The following OR5B17 variants were observed in gnomAD, a reference collection of about 807,000 sequenced individuals.
OR5B17 encodes the protein olfactory receptor 5B17.
For synonymous variants in OR5B17, 150 were observed against 135.8 expected (o/e 1.10, Z -0.73); for missense variants, 444 against 378.7 (o/e 1.17, Z -1.43).
Position 58,358,592 on chromosome 11 carries a change from C to G in OR5B17, c.478G>C (p.Asp160His). The G allele has an allele frequency of 6.2e-7, 1 of 1,614,058 alleles. No homozygotes were observed. Among genetic ancestry groups the G allele is most frequent in the Non-Finnish European group, 8.5e-7 (1 of 1,180,006 alleles). Residue 160 changes from aspartate to histidine, a missense_variant, in exon 1 of 1, where the codon GAT (aspartate) becomes CAT (histidine). By Grantham distance (81) the Asp-to-His change is moderately conservative. Coordinates refer to ENST00000357377, the MANE Select transcript of OR5B17 (RefSeq NM_001005489.2). ...ATGCAGAAAGAGAGGCGAAATGTATCTCCAATTTGGATAGAAGCATTCAGA... is the reference window on the plus strand; with the variant it reads ...ATGCAGAAAGAGAGGCGAAATGTATGTCCAATTTGGATAGAAGCATTCAGA... Reference protein sequence around the residue: ...GFLNASIQIGDTFRLSFCMSN... With the variant: ...GFLNASIQIGHTFRLSFCMSN...
At position 58,358,737 on chromosome 11, in the gene OR5B17, G is replaced by A. The variant is rs1157057439; in HGVS notation, c.333C>T (p.Tyr111=). The A allele has an allele frequency of 2.5e-6, 4 of 1,614,008 alleles. No homozygotes were observed. The highest frequency in any genetic ancestry group is 2.7e-5 in the African/African-American group (2 of 74,902). Residue 111 remains tyrosine, a synonymous_variant, in exon 1 of 1, where the codon TAC becomes TAT. Transcript: ENST00000357377. The stretch of plus-strand genomic sequence containing the variant: ...GGTCATAGGCCATTGAGGACAAGAG[G>A]TAATTTTCCACAGTGGCAAAGACTG... ...FCAVFATVEN[Y]LLSSMAYDRY...
In OR5B17 at chr11:58,358,835, C is replaced by G. The variant is rs369477615; in HGVS notation, c.235G>C (p.Val79Leu). The G allele has an allele frequency of 6.2e-7, 1 of 1,613,906 alleles. No homozygotes were observed. Among genetic ancestry groups the G allele is most frequent in the Non-Finnish European group, 8.5e-7 (1 of 1,180,020 alleles). ...TCTTCTATAAGCAACCCAGTTAAAA[C>G]CTTTGGAGTGACAGCTGAGGAGTAA... Reference protein sequence around the residue: ...IGYSSAVTPKVLTGLLIEDKA... With the variant: ...IGYSSAVTPKLLTGLLIEDKA... Residue 79 changes from valine to leucine, a missense_variant, in exon 1 of 1, where the codon GTT becomes CTT. Coordinates refer to ENST00000357377, the MANE Select transcript of OR5B17 (RefSeq NM_001005489.2).
At position 58,358,886 on chromosome 11, in the gene OR5B17, T is replaced by TTTTTTCTCAGTA. The variant is rs1056307595; in HGVS notation, c.183_184insTACTGAGAAAAA (p.Leu61_Ser62insTyrTer). 2.5e-6 allele frequency: 4 copies of TTTTTTCTCAGTA among 1,613,966 alleles called. No individual in the cohort carries two copies. In the African/African-American group the frequency reaches 5.3e-5, roughly 22 times the overall value. On this transcript the variant is annotated stop_gained and inframe_insertion, in exon 1 of 1. Coordinates refer to ENST00000357377, the MANE Select transcript of OR5B17 (RefSeq NM_001005489.2). LOFTEE classifies it low-confidence loss of function (END_TRUNC). ...CCAATGCCTGCAAGAGACAGGTTAC[T>TTTTTTCTCAGTA]GAGAAAAAAGTACATGGGAGTGTGG...
At position 58,358,691 on chromosome 11, in the gene OR5B17, G is replaced by T. The variant is rs775146435; in HGVS notation, c.379C>A (p.Pro127Thr). ...AYDRYAAVCN[P>T]LHYTTTMTTR... ...GTCATGGTGGTGGTATAATGTAGGG[G>T]GTTACACACTGCTGCGTAGCGGTCA... The change falls in exon 1 of 1, where the codon CCC (proline) becomes ACC (threonine). Residue 127 changes from proline (P) to threonine (T), a missense_variant. By Grantham distance (38) the Pro-to-Thr change is conservative. Coordinates refer to ENST00000357377, the MANE Select transcript of OR5B17 (RefSeq NM_001005489.2). The T allele has an allele frequency of 6.2e-7, 1 of 1,614,062 alleles. No homozygotes were observed. Among genetic ancestry groups the T allele is most frequent in the South Asian group, 1.1e-5 (1 of 91,072 alleles).
In OR5B17 at chr11:58,359,025, T is replaced by G. The variant is rs1854540556; in HGVS notation, c.45A>C (p.Leu15=). The G allele has an allele frequency of 6.2e-7, 1 of 1,607,984 alleles. No individual in the cohort carries two copies. The highest frequency in any genetic ancestry group is 1.1e-5 in the South Asian group (1 of 90,810). The part of the protein sequence containing the change: ...TEVSEFILLG[L]TNAPELQVPL... ...GAACCTGTAGTTCTGGGGCATTGGT[T>G]AGACCAAGCAGGATGAATTCACTCA... The change falls in exon 1 of 1, where the codon CTA becomes CTC. Residue 15 remains leucine, a synonymous_variant. Transcript: ENST00000357377.
Position 58,358,385 on chromosome 11 carries a change from C to G in OR5B17, c.685G>C (p.Gly229Arg). 6.2e-7 allele frequency: 1 copy of G among 1,613,936 alleles called. No individual in the cohort carries two copies. The highest frequency in any genetic ancestry group is 8.5e-7 in the Non-Finnish European group (1 of 1,179,908). ...GATAAAGGCTTCTGGTATCCCTTAC[C>G]TGTGTGCCTCTTAAGAATGGTGATC... ...ILITILKRHT[G>R]KGYQKPLSTC... The change falls in exon 1 of 1, where the codon GGT becomes CGT. Residue 229 changes from glycine (G) to arginine (R), a missense_variant. Coordinates refer to ENST00000357377, the MANE Select transcript of OR5B17 (RefSeq NM_001005489.2).
Position 58,358,253 on chromosome 11 carries a change from A to G in OR5B17, c.817T>C (p.Ser273Pro), listed in dbSNP as rs200495594. Residue 273 changes from serine to proline, a missense_variant, in exon 1 of 1, where the codon TCT becomes CCT. Ser to Pro is a moderately conservative substitution (Grantham distance 74). Transcript: ENST00000357377. ...SHSMDTDKIA[S>P]VFYTMIIPML... ...GGGATGATCATAGTGTAGAACACAG[A>G]TGCAATTTTGTCTGTGTCCATGGAA... 7 of 1,613,626 alleles carry G rather than the reference A, an allele frequency of 4.3e-6. No homozygotes were observed. In the African/African-American group the frequency reaches 5.3e-5, roughly 12 times the overall value.
rs1365840100 is a variant in OR5B17 at position 58,358,199 on chromosome 11, T to A, written c.871A>T (p.Arg291Trp). The A allele has an allele frequency of 1.2e-5, 20 of 1,611,716 alleles. 1 individual carries two copies. The highest frequency in any genetic ancestry group is 1.7e-5 in the Non-Finnish European group (20 of 1,178,862). The change falls in exon 1 of 1, where the codon AGG (arginine) becomes TGG (tryptophan). Residue 291 changes from arginine (R) to tryptophan (W), a missense_variant. By Grantham distance (101) the Arg-to-Trp change is moderately radical. Coordinates refer to ENST00000357377, the MANE Select transcript of OR5B17 (RefSeq NM_001005489.2). ...AATGCATTCTTCACGTCTTTGTTCCTCAGGGTATAGACTATAGGACTGAGC... is the reference window on the plus strand; with the variant it reads ...AATGCATTCTTCACGTCTTTGTTCCACAGGGTATAGACTATAGGACTGAGC... ...PMLSPIVYTL[R>W]NKDVKNAFMK...
rs754531873 is a variant in OR5B17, at chr11:58,358,376, A to G, written c.694T>C (p.Tyr232His). The stretch of plus-strand genomic sequence containing the variant: ...CCACAGGTAGATAAAGGCTTCTGGT[A>G]TCCCTTACCTGTGTGCCTCTTAAGA... The part of the protein sequence containing the change: ...TILKRHTGKG[Y>H]QKPLSTCGSH... The change falls in exon 1 of 1, where the codon TAC becomes CAC. Residue 232 changes from tyrosine (Y) to histidine (H), a missense_variant. Transcript: ENST00000357377. 33 of 1,613,582 alleles carry G rather than the reference A, an allele frequency of 2.0e-5. No homozygotes were observed. Among genetic ancestry groups the G allele is most frequent in the Non-Finnish European group, 2.6e-5 (31 of 1,179,656 alleles).
At position 58,358,204 on chromosome 11, in the gene OR5B17, G is replaced by A. The variant is rs748665180; in HGVS notation, c.866C>T (p.Thr289Ile). Residue 289 changes from threonine to isoleucine, a missense_variant, in exon 1 of 1, where the codon ACC (threonine) becomes ATC (isoleucine). Physicochemically the swap from Thr to Ile is moderately conservative, Grantham distance 89. Coordinates refer to ENST00000357377, the MANE Select transcript of OR5B17 (RefSeq NM_001005489.2). ...IIPMLSPIVYTLRNKDVKNAF... is the reference protein window; with the variant it reads ...IIPMLSPIVYILRNKDVKNAF... Reference sequence around the variant, plus strand: ...ATTCTTCACGTCTTTGTTCCTCAGGGTATAGACTATAGGACTGAGCATGGG... The same window carrying A: ...ATTCTTCACGTCTTTGTTCCTCAGGATATAGACTATAGGACTGAGCATGGG... 6.2e-7 allele frequency: 1 copy of A among 1,613,346 alleles called. No homozygotes were observed. The highest frequency in any genetic ancestry group is 8.5e-7 in the Non-Finnish European group (1 of 1,179,542).
At position 58,358,886 on chromosome 11, in the gene OR5B17, T is replaced by A. The variant is rs147025063; in HGVS notation, c.184A>T (p.Ser62Cys). ...HLHTPMYFFL[S>C]NLSLAGIGYS... ...CCAATGCCTGCAAGAGACAGGTTAC[T>A]GAGAAAAAAGTACATGGGAGTGTGG... Residue 62 changes from serine to cysteine, a missense_variant, in exon 1 of 1, where the codon AGT becomes TGT. Coordinates refer to ENST00000357377, the MANE Select transcript of OR5B17 (RefSeq NM_001005489.2). 7.8e-5 allele frequency: 126 copies of A among 1,614,084 alleles called. No individual in the cohort carries two copies. In the African/African-American group the frequency reaches 1.6e-3, roughly 21 times the overall value.
At position 58,358,809 on chromosome 11, in the gene OR5B17, G is replaced by T. The variant is rs1379887979; in HGVS notation, c.261C>A (p.Asp87Glu). 1 of 1,613,998 alleles carries T rather than the reference G, an allele frequency of 6.2e-7. No homozygotes were observed. The highest frequency in any genetic ancestry group is 8.5e-7 in the Non-Finnish European group (1 of 1,180,030). Residue 87 changes from aspartate (D) to glutamate (E), a missense_variant, in exon 1 of 1, where the codon GAC becomes GAA. Transcript: ENST00000357377. ...CACAGGCACTGTAGGAGATGGCTTT[G>T]TCTTCTATAAGCAACCCAGTTAAAA... is the stretch of plus-strand genomic sequence containing the variant. Reference protein sequence around the residue: ...PKVLTGLLIEDKAISYSACAA... With the variant: ...PKVLTGLLIEEKAISYSACAA...
Position 58,358,200 on chromosome 11 carries a change from C to T in OR5B17, c.870G>A (p.Leu290=). The T allele has an allele frequency of 1.2e-6, 2 of 1,611,634 alleles. No homozygotes were observed. Among genetic ancestry groups the T allele is most frequent in the Non-Finnish European group, 1.7e-6 (2 of 1,178,876 alleles). ...ATGCATTCTTCACGTCTTTGTTCCTCAGGGTATAGACTATAGGACTGAGCA... is the reference window on the plus strand; with the variant it reads ...ATGCATTCTTCACGTCTTTGTTCCTTAGGGTATAGACTATAGGACTGAGCA... ...IPMLSPIVYT[L]RNKDVKNAFM... Residue 290 remains leucine, a synonymous_variant, in exon 1 of 1, where the codon CTG becomes CTA. Transcript: ENST00000357377.
In OR5B17 at chr11:58,358,410, C is replaced by A; in HGVS notation, c.660G>T (p.Leu220Phe). The A allele has an allele frequency of 1.2e-6, 2 of 1,613,816 alleles. No individual in the cohort carries two copies. The highest frequency in any genetic ancestry group is 2.2e-5 in the South Asian group (2 of 91,046). ...LVTLISYLFILITILKRHTGK... is the reference protein window; with the variant it reads ...LVTLISYLFIFITILKRHTGK... ...CTGTGTGCCTCTTAAGAATGGTGAT[C>A]AATATGAACAGATAGGAAATCAAGG... The change falls in exon 1 of 1, where the codon TTG becomes TTT. Residue 220 changes from leucine to phenylalanine, a missense_variant. Leu to Phe is a conservative substitution (Grantham distance 22). Coordinates refer to ENST00000357377, the MANE Select transcript of OR5B17 (RefSeq NM_001005489.2).
rs1364670192 is a variant in OR5B17 at position 58,358,694 on chromosome 11, T to G, written c.376A>C (p.Asn126His). The G allele has an allele frequency of 6.2e-7, 1 of 1,614,114 alleles. No individual in the cohort carries two copies. The change falls in exon 1 of 1, where the codon AAC (asparagine) becomes CAC (histidine). Residue 126 changes from asparagine (N) to histidine (H), a missense_variant. Coordinates refer to ENST00000357377, the MANE Select transcript of OR5B17 (RefSeq NM_001005489.2). The part of the protein sequence containing the change: ...MAYDRYAAVC[N>H]PLHYTTTMTT... ...ATGGTGGTGGTATAATGTAGGGGGT[T>G]ACACACTGCTGCGTAGCGGTCATAG...
In OR5B17 at chr11:58,358,579, A is replaced by G; in HGVS notation, c.491T>C (p.Leu164Pro). Residue 164 changes from leucine to proline, a missense_variant, in exon 1 of 1, where the codon CTC (leucine) becomes CCC (proline). Leu to Pro is a moderately conservative substitution (Grantham distance 98). Transcript: ENST00000357377. ...ASIQIGDTFR[L>P]SFCMSNVIHH... ...AATCACATTGGACATGCAGAAAGAGAGGCGAAATGTATCTCCAATTTGGAT... is the reference window on the plus strand; with the variant it reads ...AATCACATTGGACATGCAGAAAGAGGGGCGAAATGTATCTCCAATTTGGAT... 6.2e-7 allele frequency: 1 copy of G among 1,614,158 alleles called. No homozygotes were observed.
In OR5B17 at chr11:58,358,922, C is replaced by A. The variant is rs776110131; in HGVS notation, c.148G>T (p.Asp50Tyr). The A allele has an allele frequency of 1.2e-6, 2 of 1,613,884 alleles. No individual in the cohort carries two copies. Among genetic ancestry groups the A allele is most frequent in the East Asian group, 4.5e-5 (2 of 44,858 alleles). Residue 50 changes from aspartate (D) to tyrosine (Y), a missense_variant, in exon 1 of 1, where the codon GAC (aspartate) becomes TAC (tyrosine). Physicochemically the swap from Asp to Tyr is radical, Grantham distance 160. Transcript: ENST00000357377. Reference protein sequence around the residue: ...NLGMIILILLDSHLHTPMYFF... With the variant: ...NLGMIILILLYSHLHTPMYFF... ...TACATGGGAGTGTGGAGATGAGAGT[C>A]CAGCAGGATTAATATGATCATCCCC...
In OR5B17 at chr11:58,358,219, C is replaced by CTA; in HGVS notation, c.850_851insTA (p.Ser284IlefsTer4). On this transcript the variant is annotated frameshift_variant, in exon 1 of 1. Transcript: ENST00000357377. LOFTEE classifies it low-confidence loss of function (END_TRUNC). ...GTTCCTCAGGGTATAGACTATAGGA[C>CTA]TGAGCATGGGGATGATCATAGTGTA... The CTA allele has an allele frequency of 6.2e-7, 1 of 1,613,570 alleles. No homozygotes were observed. The highest frequency in any genetic ancestry group is 8.5e-7 in the Non-Finnish European group (1 of 1,179,566).
At position 58,358,985 on chromosome 11, in the gene OR5B17, A is replaced by T; in HGVS notation, c.85T>A (p.Phe29Ile). ...AGAGTGATGAGGTAGATGAGGGTAA[A>T]CATGATAAAGAGGGGAACCTGTAGT... Reference protein sequence around the residue: ...PELQVPLFIMFTLIYLITLTG... With the variant: ...PELQVPLFIMITLIYLITLTG... Residue 29 changes from phenylalanine to isoleucine, a missense_variant, in exon 1 of 1, where the codon TTT (phenylalanine) becomes ATT (isoleucine). By Grantham distance (21) the Phe-to-Ile change is conservative (BLOSUM62 0). Transcript: ENST00000357377. 1 of 1,613,168 alleles carries T rather than the reference A, an allele frequency of 6.2e-7. No homozygotes were observed. The highest frequency in any genetic ancestry group is 8.5e-7 in the Non-Finnish European group (1 of 1,179,856).
Sources: allele counts gnomAD v4.1 joint callset, GRCh38; gene constraint gnomAD v4.1.1; transcripts MANE v1.5; gene names NCBI Gene and HGNC (gene_info 2026-07-23, HGNC 2026-07-21).